LRP5: variants seen among roughly 807,000 people sequenced by gnomAD.
LRP5 encodes low-density lipoprotein receptor-related protein 5.
In LRP5, 62 loss-of-function variants were observed where a neutral mutation model predicts 154.1. The observed-to-expected ratio is 0.40, with a 90% confidence interval of 0.33 to 0.50. The LOEUF (loss-of-function observed/expected upper bound fraction) is 0.50. Ranked by LOEUF, LRP5 falls within the 20% of genes least tolerant of loss-of-function variation. The probability of loss-of-function intolerance (pLI) is 0.55; values close to 1 mark genes in which losing one functional copy is unlikely to be tolerated. For missense variants in LRP5, 1,915 were observed against 2,336.7 expected (o/e 0.82, Z 3.72); for synonymous variants, 966 against 1,011.5 (o/e 0.96, Z 0.85).
intron 1 of LRP5, among the ~76,000 whole-genome samples, chr11:68,342,627 C>T (rs312780): frequency 0.46 from 69,418 of 152,048 alleles, 17,878 homozygotes; most frequent in African/African-American, 0.68. Flanking sequence ...CTTCTAAGTG[C>T]CTTAGAAGCC....
intron 21 of LRP5, among the ~76,000 whole-genome samples, chr11:68,443,293 G>C (rs985103054): frequency 6.6e-6 from 1 of 151,102 alleles, no homozygotes; most frequent in African/African-American, 2.4e-5. Context: ...ACTTGAGGCC[G>C]GGAGTTTGAG....
chr11:68,410,341 G>A (rs533646535), intron 10 of LRP5, among the ~76,000 whole-genome samples: 135 of 152,302 alleles, frequency 8.9e-4, no homozygotes, highest in African/African-American at 3.2e-3. Flanking sequence ...TGCTGAGGCT[G>A]TATCAGGCAC....
chr11:68,438,336 C>G, intron 19 of LRP5, 110 bp from the exon 20 acceptor site: 1 of 1,068,530 alleles, frequency 9.4e-7, no homozygotes, highest in Non-Finnish European at 1.5e-6. Flanking sequence ...TCTCCCCACC[C>G]TCCACCAGTG....
chr11:68,448,972 C>G lies in LRP5; in HGVS notation c.4750C>G (p.Leu1584Val). ...CCCACCCACGCCCCACAGCCAGTAC[C>G]TGTCGGCGGAGGACAGCTGCCCGCC... ...PPPPTPHSQY[L>V]SAEDSCPPSP... Residue 1584 changes from leucine to valine, a missense_variant, in exon 23 of 23, where the codon CTG (leucine) becomes GTG (valine). Coordinates refer to ENST00000294304, the MANE Select transcript of LRP5 (RefSeq NM_002335.4). The G allele has an allele frequency of 6.2e-7, 1 of 1,611,916 alleles. No homozygotes were observed. Among genetic ancestry groups the G allele is most frequent in the South Asian group, 1.1e-5 (1 of 91,050 alleles).
chr11:68,443,585 A>ATAATTT (rs1259673892), intron 21 of LRP5, among the ~76,000 whole-genome samples: 1 of 24,834 alleles, frequency 4.0e-5, no homozygotes, highest in African/African-American at 1.6e-4. Context: ...ATATATATAT[A>ATAATTT]TTTTTTTTTT....
chr11:68,416,327 G>T lies in LRP5; in HGVS notation c.2828-1G>T. The T allele has an allele frequency of 6.2e-7, 1 of 1,613,902 alleles. No individual in the cohort carries two copies. Among genetic ancestry groups the T allele is most frequent in the Non-Finnish European group, 8.5e-7 (1 of 1,179,978 alleles). On this transcript the variant is annotated splice_acceptor_variant, in intron 12 of 22. Transcript: ENST00000294304. LOFTEE classifies it high-confidence loss of function. ...TGCAGCCCTGTCTTTGCCTCCTCTAGCGCCCACCACCTTCTTGCTGTTCAG... is the reference window on the plus strand; with the variant it reads ...TGCAGCCCTGTCTTTGCCTCCTCTATCGCCCACCACCTTCTTGCTGTTCAG...
At chr11:68,435,840 A>G (rs7129471) in intron 18 of LRP5, among the ~76,000 whole-genome samples, 1 of 151,668 alleles carries the variant, frequency 6.6e-6, no homozygotes, top group Non-Finnish European at 1.5e-5. Context: ...ATTCTCCTGT[A>G]TCAGCCTCCC....
At chr11:68,303,464 A>G in the LRP5 span, among the ~76,000 whole-genome samples, 1 of 152,194 alleles carries the variant, frequency 6.6e-6, no homozygotes, top group African/African-American at 2.4e-5. Context: ...ATGACCCAGG[A>G]CATCTGGGGG....
the LRP5 span, among the ~76,000 whole-genome samples, chr11:68,306,419 A>G: frequency 5.3e-5 from 8 of 152,186 alleles, no homozygotes; most frequent in Non-Finnish European, 7.3e-5. Flanking sequence ...TACAGGCTTG[A>G]GCCACTGTGC....
intron 7 of LRP5, among the ~76,000 whole-genome samples, chr11:68,402,104 C>T (rs1290664723): frequency 6.6e-6 from 1 of 152,176 alleles, no homozygotes; most frequent in East Asian, 1.9e-4. Context: ...GAGGACTTGT[C>T]GCTTTTCTGG....
At chr11:68,371,181 A>G (rs752208784) in intron 5 of LRP5, among the ~76,000 whole-genome samples, 1 of 152,048 alleles carries the variant, frequency 6.6e-6, no homozygotes, top group Non-Finnish European at 1.5e-5. Flanking sequence ...TTGAGAAGAA[A>G]CCTAAACTCT....
Position 68,347,912 on chromosome 11 carries a change from C to T in LRP5, c.157C>T (p.Leu53=), listed in dbSNP as rs1591204352. 6.2e-7 allele frequency: 1 copy of T among 1,613,532 alleles called. No homozygotes were observed. Among genetic ancestry groups the T allele is most frequent in the Non-Finnish European group, 8.5e-7 (1 of 1,180,044 alleles). ...VRLVDAGGVK[L]ESTIVVSGLE... is the part of the protein sequence containing the mutation. ...GCTGGTGGACGCCGGCGGAGTCAAG[C>T]TGGAGTCCACCATCGTGGTCAGCGG... The change falls in exon 2 of 23, where the codon CTG becomes TTG. Residue 53 remains leucine (L), a synonymous_variant. Transcript: ENST00000294304.
chr11:68,441,253 T>C (rs917611302), intron 21 of LRP5, among the ~76,000 whole-genome samples: 11 of 151,974 alleles, frequency 7.2e-5, no homozygotes, highest in African/African-American at 2.7e-4. Context: ...AATATTTACA[T>C]TTTTTGTAGA....
At position 68,446,588 on chromosome 11, in the gene LRP5, G is replaced by T; in HGVS notation, c.4586+55G>T. ...CATTGGGTTCCCGCCAGCCCGTGGTGGAGGGGCCTAATCCCCATGCCACTG... is the reference window on the plus strand; with the variant it reads ...CATTGGGTTCCCGCCAGCCCGTGGTTGAGGGGCCTAATCCCCATGCCACTG... On this transcript the variant is annotated intron_variant, in intron 22 of 22. Coordinates refer to ENST00000294304, the MANE Select transcript of LRP5 (RefSeq NM_002335.4). 2.8e-6 allele frequency: 4 copies of T among 1,448,220 alleles called. No individual in the cohort carries two copies. In the South Asian group the frequency reaches 4.6e-5, roughly 16 times the overall value. 89.7% of individuals were successfully genotyped at this position (1,448,220 alleles called of 1,614,324 possible). A position where few individuals can be genotyped will look rare whatever the true frequency, so the allele number is the denominator to read the frequency against.
In LRP5 at chr11:68,389,881, C is replaced by A. The variant is rs2098645378; in HGVS notation, c.1413C>A (p.Gly471=). 1.2e-6 allele frequency: 2 copies of A among 1,614,248 alleles called. No homozygotes were observed. Among genetic ancestry groups the A allele is most frequent in the Non-Finnish European group, 1.7e-6 (2 of 1,180,038 alleles). ...PRAIALHPVM[G]LMYWTDWGEN... The stretch of plus-strand genomic sequence containing the variant: ...TCATGGACTTCTGCTTCTTCTCCAG[C>A]CTCATGTACTGGACAGACTGGGGAG... The change falls in exon 7 of 23, where the codon GGC becomes GGA. Residue 471 remains glycine (G), a splice_region_variant and synonymous_variant. Coordinates refer to ENST00000294304, the MANE Select transcript of LRP5 (RefSeq NM_002335.4).
chr11:68,323,033 A>G lies in LRP5; in HGVS notation c.91+10228A>G, dbSNP rs573795434. Among the ~76,000 whole-genome samples, 4 of 152,362 alleles carry G rather than the reference A, an allele frequency of 2.6e-5. No homozygotes were observed. In the South Asian group the frequency reaches 6.2e-4, roughly 24 times the overall value. On this transcript the variant is annotated intron_variant, in intron 1 of 22. Coordinates refer to ENST00000294304, the MANE Select transcript of LRP5 (RefSeq NM_002335.4). ...TCTTACCATTTTCAGGAAACTTTAT[A>G]TAAACATTTTTAATCATGCAAAAAA...
intron 19 of LRP5, among the ~76,000 whole-genome samples, 159 bp from the exon 20 acceptor site, chr11:68,438,287 G>A (rs539390522): frequency 6.6e-6 from 1 of 152,288 alleles, no homozygotes; most frequent in South Asian, 2.1e-4. Context: ...CCTGAGGTTG[G>A]CCAGGCTCCC....
intron 7 of LRP5, among the ~76,000 whole-genome samples, 194 bp from the exon 8 acceptor site, chr11:68,403,289 G>A (rs1350183373): frequency 1.3e-5 from 2 of 152,078 alleles, no homozygotes; most frequent in East Asian, 1.9e-4. Context: ...CAAACAAAGC[G>A]TCATTTATCC....
intron 8 of LRP5, chr11:68,404,483 T>C (rs1213649243): frequency 4.1e-6 from 2 of 490,864 alleles, no homozygotes; most frequent in East Asian, 4.8e-5. Context: ...GGCTTTAAAA[T>C]ACGAGGGAGC....
Sources: allele counts gnomAD v4.1 joint callset (sites outside exome capture counted in the v4.1 genomes callset), GRCh38; gene constraint gnomAD v4.1.1; transcripts MANE v1.5; gene names NCBI Gene and HGNC (gene_info 2026-07-23, HGNC 2026-07-21).